MYO9A: variants seen among roughly 807,000 people sequenced by gnomAD.
MYO9A encodes the protein unconventional myosin-IXa.
MYO9A carries 103 observed loss-of-function variants against 293.3 expected under a neutral mutation model. The ratio of observed to expected loss-of-function variants is 0.35; its 90% CI spans 0.30 to 0.41. MYO9A has a LOEUF of 0.41. MYO9A is among the 10% of genes least tolerant of loss of function. MYO9A has a pLI of 1.00. For missense variants in MYO9A, 2,685 were observed against 3,033.0 expected, an observed-to-expected ratio of 0.89 and a Z score of 2.69; for synonymous variants, 1,001 against 1,035.7, an observed-to-expected ratio of 0.97 and a Z score of 0.64.
chr15:71,998,020 G>A (rs1274359534), intron 9 of MYO9A, among the ~76,000 whole-genome samples: 7 of 152,074 alleles, frequency 4.6e-5, no homozygotes, highest in African/African-American at 1.4e-4. Flanking sequence ...ACACATCCAC[G>A]TATATGCTCA....
intron 1 of MYO9A, among the ~76,000 whole-genome samples, chr15:72,081,138 C>A (rs772286743): frequency 2.6e-5 from 4 of 152,192 alleles, no homozygotes; most frequent in African/African-American, 4.8e-5. Context: ...TGAGGAATCA[C>A]CACACTGCTC....
At position 71,898,858 on chromosome 15, in the gene MYO9A, A is replaced by G. The variant is rs2057406094; in HGVS notation, c.3645T>C (p.Ser1215=). The G allele has an allele frequency of 6.2e-7, 1 of 1,613,724 alleles. No individual in the cohort carries two copies. Among genetic ancestry groups the G allele is most frequent in the African/African-American group, 1.3e-5 (1 of 74,804 alleles). ...AIEECKSVIE[S]NRISRESSVD... is the part of the protein sequence containing the mutation. Reference sequence around the variant, plus strand: ...CTGAACTTTCACGGCTAATTCGATTACTCTCTATTACAGATTTACATTCCT... The same window carrying G: ...CTGAACTTTCACGGCTAATTCGATTGCTCTCTATTACAGATTTACATTCCT... Residue 1215 remains serine (S), a synonymous_variant, in exon 25 of 42, where the codon AGT becomes AGC. Coordinates refer to ENST00000356056, the MANE Select transcript of MYO9A (RefSeq NM_006901.4).
At chr15:71,855,628 A>G (rs1192533791) in intron 34 of MYO9A, among the ~76,000 whole-genome samples, 1 of 151,758 alleles carries the variant, frequency 6.6e-6, no homozygotes, top group Admixed American at 6.6e-5. Context: ...TATATATTCC[A>G]TTTTCTCCTT....
At chr15:71,895,410 G>A (rs1262145702) in intron 25 of MYO9A, among the ~76,000 whole-genome samples, 1 of 152,122 alleles carries the variant, frequency 6.6e-6, no homozygotes, top group African/African-American at 2.4e-5. Context: ...CACCACTACA[G>A]TACAAAAGGG....
chr15:71,968,787 G>C (rs913618140), intron 12 of MYO9A, among the ~76,000 whole-genome samples: 1 of 152,184 alleles, frequency 6.6e-6, no homozygotes, highest in African/African-American at 2.4e-5. Context: ...TTAAGACTGT[G>C]ATGTTAAAGG....
chr15:71,948,021 G>A (rs1222758821), intron 15 of MYO9A, among the ~76,000 whole-genome samples: 5 of 152,150 alleles, frequency 3.3e-5, no homozygotes, highest in African/African-American at 2.4e-5. Context: ...TTGGAGAGAA[G>A]GCGAGAGCAC....
chr15:71,972,097 G>A (rs1390598799), intron 12 of MYO9A: 1 of 152,076 alleles, frequency 6.6e-6, no homozygotes. Flanking sequence ...GGCCTTGCTG[G>A]GTTTCCCACT....
intron 6 of MYO9A, among the ~76,000 whole-genome samples, chr15:72,010,744 T>A (rs2077148728): frequency 6.6e-6 from 1 of 152,212 alleles, no homozygotes; most frequent in Non-Finnish European, 1.5e-5. Flanking sequence ...TCAGTAAGTG[T>A]GCTGATACTA....
At chr15:71,926,111 GTC>G (rs2058307760) in intron 18 of MYO9A, among the ~76,000 whole-genome samples, 1 of 152,066 alleles carries the variant, frequency 6.6e-6, no homozygotes, top group Non-Finnish European at 1.5e-5. Flanking sequence ...CAGCAGTGTA[GTC>G]TCTGTGTAAT....
Position 71,864,312 on chromosome 15 carries a change from C to CA in MYO9A, c.5980-1702dup, listed in dbSNP as rs2056249892. Among the ~76,000 whole-genome samples the CA allele has an allele frequency of 2.0e-5, 3 of 152,044 alleles. No homozygotes were observed. The South Asian group carries it at 6.2e-4, about 32-fold the overall frequency. On this transcript the variant is annotated intron_variant, in intron 32 of 41. Coordinates refer to ENST00000356056, the MANE Select transcript of MYO9A (RefSeq NM_006901.4). ...TTCATACCTACCAGAATGGCTATAA[C>CA]AAAAAAGGTAAACAATAGCAAATGT...
chr15:71,927,266 C>G (rs572311424), intron 18 of MYO9A, among the ~76,000 whole-genome samples: 1 of 152,338 alleles, frequency 6.6e-6, no homozygotes, highest in East Asian at 1.9e-4. Flanking sequence ...AACCCACTGC[C>G]ATATGCATAG....
intron 27 of MYO9A, 54 bp downstream of exon 27, chr15:71,887,950 T>G (rs2057070187): frequency 9.9e-7 from 1 of 1,010,400 alleles, no homozygotes; most frequent in African/African-American, 1.7e-5. Flanking sequence ...TTAACTATAG[T>G]CAGTTATCAA....
intron 1 of MYO9A, among the ~76,000 whole-genome samples, chr15:72,109,575 G>C (rs1311824279): frequency 6.6e-6 from 1 of 152,022 alleles, no homozygotes; most frequent in Non-Finnish European, 1.5e-5. Flanking sequence ...AAAGAAAACA[G>C]AGTTGCAAAA....
At chr15:71,966,304 G>GTGTGTGTA (rs1339550571) in intron 13 of MYO9A, among the ~76,000 whole-genome samples, 2 of 150,678 alleles carry the variant, frequency 1.3e-5, no homozygotes, top group African/African-American at 4.9e-5. Flanking sequence ...GTGTGTGTGT[G>GTGTGTGTA]TGTATGATTC....
chr15:71,992,372 G>A (rs1486878092), intron 10 of MYO9A, among the ~76,000 whole-genome samples: 2 of 152,090 alleles, frequency 1.3e-5, no homozygotes, highest in African/African-American at 4.8e-5. Flanking sequence ...GACAATTTTG[G>A]TTAAATGAAA....
chr15:71,976,120 A>G (rs2076141442), intron 12 of MYO9A, among the ~76,000 whole-genome samples: 1 of 152,128 alleles, frequency 6.6e-6, no homozygotes, highest in Admixed American at 6.5e-5. Context: ...TTGGGGACTG[A>G]GCCCTCGATC....
chr15:72,058,781 CT>C (rs756544956), intron 1 of MYO9A, among the ~76,000 whole-genome samples: 1 of 151,980 alleles, frequency 6.6e-6, no homozygotes, highest in Non-Finnish European at 1.5e-5. Flanking sequence ...ATTCACTGGA[CT>C]GAGTTAGAAG....
intron 39 of MYO9A, among the ~76,000 whole-genome samples, chr15:71,833,102 AAT>A: frequency 6.6e-6 from 1 of 152,186 alleles, no homozygotes; most frequent in East Asian, 1.9e-4. Context: ...AGGCAGGACA[AAT>A]AAAAAGCACA....
At chr15:71,957,741 T>C (rs1018171587) in intron 14 of MYO9A, among the ~76,000 whole-genome samples, 1 of 152,186 alleles carries the variant, frequency 6.6e-6, no homozygotes, top group African/African-American at 2.4e-5. Context: ...CTCTCTCATC[T>C]GCAGACACTA....
Sources: allele counts gnomAD v4.1 joint callset (sites outside exome capture counted in the v4.1 genomes callset), GRCh38; gene constraint gnomAD v4.1.1; transcripts MANE v1.5; gene names NCBI Gene and HGNC (gene_info 2026-07-23, HGNC 2026-07-21).